The following ADAMTS2 variants were observed in gnomAD, a reference collection of about 807,000 sequenced individuals.
ADAMTS2 encodes the protein A disintegrin and metalloproteinase with thrombospondin motifs 2.
A neutral mutation model predicts 123.0 loss-of-function variants in ADAMTS2; 50 were observed. That is an observed-to-expected ratio of 0.41 (90% confidence interval 0.32 to 0.51). ADAMTS2 has a LOEUF of 0.51. ADAMTS2 is among the 20% of genes least tolerant of loss of function. The pLI is 0.35. For synonymous variants in ADAMTS2, 678 were observed against 695.4 expected (o/e 0.98, Z 0.39); for missense variants, 1,494 against 1,705.2 (o/e 0.88, Z 2.18).
Position 179,265,972 on chromosome 5 carries a change from G to T in ADAMTS2, c.688+6939C>A, listed in dbSNP as rs377143813. Among the ~76,000 whole-genome samples, 54 of 152,368 alleles carry T rather than the reference G, an allele frequency of 3.5e-4. No individual in the cohort carries two copies. In the East Asian group the frequency reaches 6.8e-3, roughly 19 times the overall value. ...GCCGAGGCGCTGAACTCAGTGAGTCGGCAACAGTGGCTTGGCAGGGCCCAG... is the reference window on the plus strand; with the variant it reads ...GCCGAGGCGCTGAACTCAGTGAGTCTGCAACAGTGGCTTGGCAGGGCCCAG... On this transcript the variant is annotated intron_variant, in intron 3 of 21. Transcript: ENST00000251582.
At chr5:179,296,334 G>A (rs1423980740) in intron 2 of ADAMTS2, among the ~76,000 whole-genome samples, 4 of 152,174 alleles carry the variant, frequency 2.6e-5, no homozygotes, top group African/African-American at 9.7e-5. Context: ...GTCTGTGCTC[G>A]GAGGAGGGGG....
chr5:179,341,574 G>A (rs769669012), intron 2 of ADAMTS2, among the ~76,000 whole-genome samples: 3 of 152,000 alleles, frequency 2.0e-5, no homozygotes, highest in African/African-American at 7.2e-5. Context: ...TTAGCTGCAC[G>A]TGGTGGCAGG....
chr5:179,125,966 C>G, intron 18 of ADAMTS2, 32 bp downstream of exon 18: 6 of 1,612,872 alleles, frequency 3.7e-6, no homozygotes, highest in Middle Eastern at 1.7e-4. Flanking sequence ...GGCCTGTCTC[C>G]TCTAGTGGGA....
At chr5:179,116,339 C>T (rs1385814185) in intron 21 of ADAMTS2, among the ~76,000 whole-genome samples, 1 of 147,402 alleles carries the variant, frequency 6.8e-6, no homozygotes, top group Non-Finnish European at 1.5e-5. Flanking sequence ...CCTTAGACTC[C>T]TTGCTCTGCA....
chr5:179,269,660 T>C (rs1166549309), intron 3 of ADAMTS2, among the ~76,000 whole-genome samples: 1 of 151,976 alleles, frequency 6.6e-6, no homozygotes, highest in Non-Finnish European at 1.5e-5. Flanking sequence ...ACCATATCAA[T>C]GTTCCTATTG....
chr5:179,213,750 G>A (rs776607531), intron 3 of ADAMTS2, among the ~76,000 whole-genome samples: 18 of 152,184 alleles, frequency 1.2e-4, no homozygotes, highest in Non-Finnish European at 2.4e-4. Context: ...GCAAAGAAAC[G>A]TACCATGTAA....
rs1244713588 is a variant in ADAMTS2 at position 179,112,707 on chromosome 5, GGCCGTAGGGAGATTCCAGGCCCTTGAACC to G, written c.*1131_*1159del. 1 of 152,292 alleles carries G rather than the reference GGCCGTAGGGAGATTCCAGGCCCTTGAACC, an allele frequency of 6.6e-6. No homozygotes were observed. Among genetic ancestry groups the G allele is most frequent in the Non-Finnish European group, 1.5e-5 (1 of 68,116 alleles). 9.4% of individuals were successfully genotyped at this position (152,292 alleles called of 1,614,324 possible). Reference sequence around the variant, plus strand: ...CCAGAATCCCAGAACCCTTAGACTTGGCCGTAGGGAGATTCCAGGCCCTTGAACCGCTCACTGGACCTTCCCAGCAGAGC... The same window carrying G: ...CCAGAATCCCAGAACCCTTAGACTTGGCTCACTGGACCTTCCCAGCAGAGC... On this transcript the variant is annotated 3_prime_UTR_variant, in exon 22 of 22. Coordinates refer to ENST00000251582, the MANE Select transcript of ADAMTS2 (RefSeq NM_014244.5).
intron 2 of ADAMTS2, among the ~76,000 whole-genome samples, chr5:179,330,422 G>C (rs1483232136): frequency 6.6e-6 from 1 of 152,240 alleles, no homozygotes; most frequent in Non-Finnish European, 1.5e-5. Flanking sequence ...CACCACAGCT[G>C]AGACTGCCCC....
chr5:179,318,856 G>C (rs56374323), intron 2 of ADAMTS2, among the ~76,000 whole-genome samples: 2 of 152,174 alleles, frequency 1.3e-5, no homozygotes, highest in Non-Finnish European at 2.9e-5. Flanking sequence ...TCAGACCCCA[G>C]CCCAAAAGCA....
At chr5:179,208,627 C>A (rs2113378047) in intron 3 of ADAMTS2, among the ~76,000 whole-genome samples, 1 of 152,292 alleles carries the variant, frequency 6.6e-6, no homozygotes, top group Non-Finnish European at 1.5e-5. Context: ...CACCCTGGAC[C>A]AGGCTTCAGT....
At chr5:179,255,168 T>C (rs917552101) in intron 3 of ADAMTS2, among the ~76,000 whole-genome samples, 2 of 152,028 alleles carry the variant, frequency 1.3e-5, no homozygotes, top group African/African-American at 4.8e-5. Context: ...ACACGATGGA[T>C]GAATGAATGG....
At chr5:179,145,507 G>A (rs896500467) in intron 10 of ADAMTS2, among the ~76,000 whole-genome samples, 10 of 152,306 alleles carry the variant, frequency 6.6e-5, no homozygotes, top group Non-Finnish European at 1.0e-4. Context: ...CCCACACAGT[G>A]GATTAGTATT....
intron 10 of ADAMTS2, among the ~76,000 whole-genome samples, chr5:179,145,129 G>A (rs1763230249): frequency 2.0e-5 from 3 of 152,154 alleles, no homozygotes; most frequent in South Asian, 4.1e-4. Context: ...TTGCCATTAA[G>A]CACATGAAAA....
intron 3 of ADAMTS2, among the ~76,000 whole-genome samples, chr5:179,221,857 A>G (rs1019964740): frequency 6.6e-6 from 1 of 151,832 alleles, no homozygotes; most frequent in African/African-American, 2.4e-5. Context: ...CCCAAACCAC[A>G]TGTCCTCCTT....
chr5:179,287,291 C>T (rs116267285), intron 2 of ADAMTS2, among the ~76,000 whole-genome samples: 3,355 of 152,310 alleles, frequency 0.022, 63 homozygotes, highest in Non-Finnish European at 0.037. Context: ...GCCCATCTCA[C>T]CCTTCCTTCT....
At chr5:179,333,229 C>G (rs920359364) in intron 2 of ADAMTS2, among the ~76,000 whole-genome samples, 9 of 152,210 alleles carry the variant, frequency 5.9e-5, no homozygotes, top group Admixed American at 3.3e-4. Context: ...CAGCCAGCCT[C>G]ATCCCCCTCT....
At chr5:179,286,684 C>T (rs1410033707) in intron 2 of ADAMTS2, among the ~76,000 whole-genome samples, 4 of 152,130 alleles carry the variant, frequency 2.6e-5, no homozygotes, top group African/African-American at 2.4e-5. Context: ...AGGTCGGGGC[C>T]GGCGCCTTCC....
At chr5:179,201,284 T>C (rs552924899) in intron 4 of ADAMTS2, among the ~76,000 whole-genome samples, 1 of 152,232 alleles carries the variant, frequency 6.6e-6, no homozygotes, top group Non-Finnish European at 1.5e-5. Context: ...TTCAACTCTA[T>C]GAACGTGATA....
In ADAMTS2 at chr5:179,298,690, G is replaced by A. The variant is rs544701176; in HGVS notation, c.535-25626C>T. Among the ~76,000 whole-genome samples the A allele has an allele frequency of 7.9e-5, 12 of 152,276 alleles. 1 individual carries two copies. The East Asian group carries it at 2.3e-3, about 29-fold the overall frequency. ...GATGCCTAGAAATGCTAGAGGGGTTGAGGGGGAGGCATTCACAAGCCCTTG... is the reference window on the plus strand; with the variant it reads ...GATGCCTAGAAATGCTAGAGGGGTTAAGGGGGAGGCATTCACAAGCCCTTG... On this transcript the variant is annotated intron_variant, in intron 2 of 21. Coordinates refer to ENST00000251582, the MANE Select transcript of ADAMTS2 (RefSeq NM_014244.5).
Sources: allele counts gnomAD v4.1 joint callset (sites outside exome capture counted in the v4.1 genomes callset), GRCh38; gene constraint gnomAD v4.1.1; transcripts MANE v1.5; gene names NCBI Gene and HGNC (gene_info 2026-07-23, HGNC 2026-07-21).